RERG: variants seen among roughly 807,000 people sequenced by gnomAD.
The protein encoded by RERG is RAS like estrogen regulated growth inhibitor, also known as ras-related and estrogen-regulated growth inhibitor.
Under a neutral mutation model 23.2 loss-of-function variants are expected in RERG, and 25 were observed. The ratio of observed to expected loss-of-function variants is 1.08; its 90% CI spans 0.79 to 1.50. The LOEUF (loss-of-function observed/expected upper bound fraction) is 1.50. Among genes scored for constraint, RERG ranks in the 40% most tolerant of loss-of-function variants. RERG has a pLI of 0.00. For missense variants in RERG, 253 were observed against 250.1 expected, an observed-to-expected ratio of 1.01 and a Z score of -0.08; for synonymous variants, 81 against 89.1, an observed-to-expected ratio of 0.91 and a Z score of 0.51.
chr12:15,166,604 C>T (rs1184920475), intron 2 of RERG, among the ~76,000 whole-genome samples: 2 of 151,306 alleles, frequency 1.3e-5, no homozygotes, highest in African/African-American at 4.9e-5. Flanking sequence ...ACTGCAGCTA[C>T]TTACCTTCCC....
At position 15,212,042 on chromosome 12, in the gene RERG, C is replaced by CTTTTTTTTTTTTTT. The variant is rs772353150; in HGVS notation, c.61+5373_61+5386dup. On this transcript the variant is annotated intron_variant, in intron 2 of 4. Coordinates refer to ENST00000256953, the MANE Select transcript of RERG (RefSeq NM_032918.3). ...ATGTGATATTAGAGCCACGAATAAA[C>CTTTTTTTTTTTTTT]TTTTTTTTTTTTTTTTTTTTTTTTT... 3.9e-3 allele frequency among the ~76,000 whole-genome samples: 255 copies of CTTTTTTTTTTTTTT among 64,714 alleles called. 24 individuals carry two copies. The highest frequency in any genetic ancestry group is 6.1e-3 in the Non-Finnish European group (200 of 32,776). The allele number at this position is 64,714 out of a possible 152,430, so 42.5% of individuals were successfully genotyped here.
rs375715459 is a variant in RERG at position 15,121,656 on chromosome 12, G to A, written c.62-537C>T. ...GTAGCACTGATAGAATACAGTCAGA[G>A]TCAGGTTCTGGAACGATGCTACGCA... On this transcript the variant is annotated intron_variant, in intron 2 of 4. Coordinates refer to ENST00000256953, the MANE Select transcript of RERG (RefSeq NM_032918.3). Among the ~76,000 whole-genome samples the A allele has an allele frequency of 9.2e-5, 14 of 152,328 alleles. No homozygotes were observed. In the East Asian group the frequency reaches 9.6e-4, roughly 10 times the overall value.
At chr12:15,188,443 G>A (rs539286501) in intron 2 of RERG, among the ~76,000 whole-genome samples, 25 of 152,202 alleles carry the variant, frequency 1.6e-4, no homozygotes, top group South Asian at 4.2e-4. Context: ...TCTTTGGATC[G>A]TCATGCATGA....
intron 2 of RERG, among the ~76,000 whole-genome samples, chr12:15,126,154 T>TATATATATATATATATAA (rs1863937383): frequency 7.2e-6 from 1 of 138,798 alleles, no homozygotes; most frequent in African/African-American, 2.7e-5. Context: ...TATATATATG[T>TATATATATATATATATAA]ATTTACACAC....
intron 2 of RERG, among the ~76,000 whole-genome samples, chr12:15,215,174 T>C (rs1865423018): frequency 1.3e-5 from 2 of 152,184 alleles, no homozygotes. Flanking sequence ...GGAAAGAAAC[T>C]TAGTGAGCAA....
intron 2 of RERG, among the ~76,000 whole-genome samples, chr12:15,175,331 C>CTG (rs1231946873): frequency 2.7e-5 from 3 of 109,372 alleles, no homozygotes; most frequent in Middle Eastern, 4.5e-3. Flanking sequence ...TACTCTCAGG[C>CTG]TCTGTGTGTG....
chr12:15,175,140 T>C (rs537454421), intron 2 of RERG, among the ~76,000 whole-genome samples: 5 of 150,758 alleles, frequency 3.3e-5, no homozygotes, highest in Non-Finnish European at 5.9e-5. Context: ...GTGAGAAAGG[T>C]TGCTATCATT....
chr12:15,129,595 AT>A (rs1864008705), intron 2 of RERG, among the ~76,000 whole-genome samples: 1 of 152,132 alleles, frequency 6.6e-6, no homozygotes, highest in Non-Finnish European at 1.5e-5. Flanking sequence ...AAGCTAAGCC[AT>A]AAGCTGAGTC....
At chr12:15,158,313 G>A (rs895983636) in intron 2 of RERG, among the ~76,000 whole-genome samples, 2 of 151,430 alleles carry the variant, frequency 1.3e-5, no homozygotes, top group East Asian at 1.9e-4. Flanking sequence ...ATAGAATCTC[G>A]CTCTGTCATC....
At chr12:15,110,463 C>CTTTTTTTATTT (rs1863587097) in intron 4 of RERG, among the ~76,000 whole-genome samples, 12 of 73,082 alleles carry the variant, frequency 1.6e-4, no homozygotes, top group African/African-American at 7.2e-4. Flanking sequence ...CCATTTTTTT[C>CTTTTTTTATTT]TTTTTTTTTT....
At chr12:15,128,099 C>T (rs1863980099) in intron 2 of RERG, among the ~76,000 whole-genome samples, 1 of 151,144 alleles carries the variant, frequency 6.6e-6, no homozygotes, top group South Asian at 2.1e-4. Flanking sequence ...TATAATTCTA[C>T]ATGTTTGATT....
chr12:15,138,558 T>C (rs1003741427), intron 2 of RERG, among the ~76,000 whole-genome samples: 4 of 152,104 alleles, frequency 2.6e-5, no homozygotes, highest in African/African-American at 9.6e-5. Flanking sequence ...GAGGTCTTTC[T>C]TAGAATTTCT....
At chr12:15,220,960 T>G (rs1865504577) in intron 1 of RERG, among the ~76,000 whole-genome samples, 2 of 152,230 alleles carry the variant, frequency 1.3e-5, no homozygotes, top group South Asian at 4.1e-4. Flanking sequence ...GCTTTCAGGC[T>G]AGGGAGAAAA....
intron 2 of RERG, 112 bp downstream of exon 2, chr12:15,217,317 A>G (rs1414753954): frequency 1.4e-6 from 1 of 733,896 alleles, no homozygotes; most frequent in African/African-American, 1.8e-5. Context: ...AAGAGTAAGA[A>G]ATGAAAATAG....
intron 2 of RERG, among the ~76,000 whole-genome samples, chr12:15,175,746 C>T (rs1448684923): frequency 1.3e-5 from 2 of 152,106 alleles, no homozygotes; most frequent in Admixed American, 6.6e-5. Flanking sequence ...ATAACAACTG[C>T]TCCTTTTGAG....
At chr12:15,214,357 T>C (rs1221248660) in intron 2 of RERG, among the ~76,000 whole-genome samples, 1 of 152,178 alleles carries the variant, frequency 6.6e-6, no homozygotes, top group Non-Finnish European at 1.5e-5. Flanking sequence ...TCACACTCTT[T>C]AACTCCAAGC....
intron 2 of RERG, among the ~76,000 whole-genome samples, chr12:15,174,496 G>GTATA (rs60183035): frequency 2.3e-4 from 34 of 150,364 alleles, no homozygotes; most frequent in South Asian, 6.3e-4. Flanking sequence ...GTGTGTGTGT[G>GTATA]TATATATATA....
chr12:15,146,928 C>T (rs1483996968), intron 2 of RERG, among the ~76,000 whole-genome samples: 1 of 152,148 alleles, frequency 6.6e-6, no homozygotes, highest in African/African-American at 2.4e-5. Flanking sequence ...TTAACAATCC[C>T]TCTCTTTGGT....
At chr12:15,219,956 A>G (rs925262203) in intron 1 of RERG, among the ~76,000 whole-genome samples, 11 of 152,230 alleles carry the variant, frequency 7.2e-5, no homozygotes, top group African/African-American at 2.7e-4. Flanking sequence ...TAATAAAGAT[A>G]CAGCTGGTTA....
Sources: gnomAD v4.1 joint callset for allele counts (sites outside exome capture counted in the v4.1 genomes callset) on GRCh38, gnomAD v4.1.1 for gene constraint, MANE v1.5 for transcripts, NCBI Gene and HGNC (gene_info 2026-07-23, HGNC 2026-07-21) for gene names.